Variants in LACTB2 observed in about 807,000 individuals in gnomAD.
LACTB2 encodes endoribonuclease LACTB2.
LACTB2 carries 32 observed loss-of-function variants against 34.8 expected under a neutral mutation model. That is an observed-to-expected ratio of 0.92 (90% CI 0.69 to 1.24). LACTB2 has a LOEUF of 1.24. Among genes scored for constraint, LACTB2 ranks in the 50% most tolerant of loss-of-function variants. The pLI, the probability that LACTB2 is intolerant of heterozygous loss-of-function variation, is 0.00. For missense variants in LACTB2, 320 were observed against 345.0 expected (o/e 0.93, Z 0.57); for synonymous variants, 120 against 117.5 (o/e 1.02, Z -0.14).
In LACTB2 at chr8:70,669,183, C is replaced by A. The variant is rs898566376; in HGVS notation, c.-63G>T. ...GATACTCCAGCGCGGAAGAAGCCAA[C>A]AGGCCGGGGATAGCGAGTAGCGTCC... On this transcript the variant is annotated 5_prime_UTR_variant, in exon 1 of 7. Transcript: ENST00000276590. 2 of 1,584,430 alleles carry A rather than the reference C, an allele frequency of 1.3e-6. No homozygotes were observed. The highest frequency in any genetic ancestry group is 1.4e-5 in the African/African-American group (1 of 74,034).
In LACTB2 at chr8:70,637,812, T is replaced by TA. The variant is rs779094034; in HGVS notation, c.*47dup. On this transcript the variant is annotated 3_prime_UTR_variant, in exon 7 of 7. Transcript: ENST00000276590. ...AAAATAACCTATAGTTAAGAAAACA[T>TA]ACCATTCTCTGAAAGCAAAATAAAA... is the stretch of plus-strand genomic sequence containing the variant. The TA allele has an allele frequency of 8.3e-7, 1 of 1,203,574 alleles. No homozygotes were observed. Among genetic ancestry groups the TA allele is most frequent in the Admixed American group, 2.2e-5 (1 of 45,412 alleles). 74.6% of individuals were successfully genotyped at this position (1,203,574 alleles called of 1,614,324 possible).
At position 70,639,962 on chromosome 8, in the gene LACTB2, C is replaced by CA. The variant is rs35682593; in HGVS notation, c.741+939dup. Among the ~76,000 whole-genome samples the CA allele has an allele frequency of 2.8e-4, 41 of 148,960 alleles. 1 individual carries two copies. Among genetic ancestry groups the CA allele is most frequent in the African/African-American group, 9.5e-4 (39 of 40,838 alleles). Reference sequence around the variant, plus strand: ...GGGCAACAAGAGCAAAACTCCATCTCAAAAAAAAAAGTTTTTGAGATACAG... The same window carrying CA: ...GGGCAACAAGAGCAAAACTCCATCTCAAAAAAAAAAAGTTTTTGAGATACAG... On this transcript the variant is annotated intron_variant, in intron 5 of 6. Transcript: ENST00000276590.
chr8:70,645,724 T>A (rs1048521065), intron 3 of LACTB2, among the ~76,000 whole-genome samples: 3 of 146,280 alleles, frequency 2.1e-5, no homozygotes, highest in African/African-American at 7.6e-5. Flanking sequence ...AATTCCCACC[T>A]ATGAGTGAGA....
intron 1 of LACTB2, 29 bp downstream of exon 1, chr8:70,668,970 C>CGTTGGGGAG: frequency 6.4e-7 from 1 of 1,563,438 alleles, no homozygotes; most frequent in Non-Finnish European, 8.7e-7. Flanking sequence ...CGGCTGCGAA[C>CGTTGGGGAG]GTTGGGGAGG....
intron 2 of LACTB2, 170 bp downstream of exon 2, chr8:70,661,564 C>T (rs982022685): frequency 1.8e-6 from 1 of 542,804 alleles, no homozygotes; most frequent in Non-Finnish European, 3.1e-6. Flanking sequence ...TCCGTTCCTC[C>T]TTTGTTAAAA....
intron 3 of LACTB2, among the ~76,000 whole-genome samples, chr8:70,648,441 A>AT (rs1818293146): frequency 6.6e-6 from 1 of 152,206 alleles, no homozygotes; most frequent in Non-Finnish European, 1.5e-5. Flanking sequence ...TAAAAGCAAC[A>AT]TTTTGGGAAC....
At chr8:70,667,322 C>T (rs774163826) in intron 1 of LACTB2, among the ~76,000 whole-genome samples, 3 of 152,160 alleles carry the variant, frequency 2.0e-5, no homozygotes, top group African/African-American at 4.8e-5. Flanking sequence ...TTTTGTGAAG[C>T]GGAACAGGTG....
intron 4 of LACTB2, among the ~76,000 whole-genome samples, chr8:70,642,053 G>T (rs191619934): frequency 2.0e-5 from 3 of 152,226 alleles, no homozygotes; most frequent in Admixed American, 2.0e-4. Context: ...TTTAATATAT[G>T]GTAGCTATGG....
At chr8:70,657,239 AT>A (rs943766565) in intron 3 of LACTB2, among the ~76,000 whole-genome samples, 1 of 152,128 alleles carries the variant, frequency 6.6e-6, no homozygotes, top group Admixed American at 6.5e-5. Context: ...TAAAGTGTAA[AT>A]TTTATTTTTT....
chr8:70,668,775 T>C (rs1354326356), intron 1 of LACTB2, among the ~76,000 whole-genome samples: 6 of 150,648 alleles, frequency 4.0e-5, no homozygotes, highest in South Asian at 4.2e-4. Context: ...TTTTTTTTTT[T>C]CCATTTCTCC....
intron 5 of LACTB2, among the ~76,000 whole-genome samples, chr8:70,639,462 G>A (rs1159956837): frequency 6.6e-6 from 1 of 151,980 alleles, no homozygotes. Context: ...GCCCGGCCTG[G>A]CAGCAGTATC....
chr8:70,639,270 G>A (rs1265268704), intron 5 of LACTB2, among the ~76,000 whole-genome samples: 5 of 149,302 alleles, frequency 3.3e-5, no homozygotes, highest in East Asian at 4.1e-4. Flanking sequence ...AACTATTCTC[G>A]TGCCTCAGCC....
intron 5 of LACTB2, among the ~76,000 whole-genome samples, chr8:70,639,734 G>A (rs764085486): frequency 1.3e-5 from 2 of 151,540 alleles, no homozygotes; most frequent in African/African-American, 4.8e-5. Context: ...AGGCTGAGGC[G>A]GGTGGATCAC....
chr8:70,667,408 CTTTATACAGTAGCA>C lies in LACTB2; in HGVS notation c.122+1577_122+1590del, dbSNP rs1221335423. ...GCCACCTTTTACTTTACACCTTTTA[CTTTATACAGTAGCA>C]TTATCTACACTTATTTCTAGCTCAA... On this transcript the variant is annotated intron_variant, in intron 1 of 6. Transcript: ENST00000276590. Among the ~76,000 whole-genome samples the C allele has an allele frequency of 2.0e-5, 3 of 152,300 alleles. No individual in the cohort carries two copies. The South Asian group carries it at 6.2e-4, about 32-fold the overall frequency.
At chr8:70,638,661 T>G (rs976734962) in intron 5 of LACTB2, 32 bp from the exon 6 acceptor site, 1 of 1,200,158 alleles carries the variant, frequency 8.3e-7, no homozygotes, top group South Asian at 1.7e-5. Flanking sequence ...AAAAAATTCC[T>G]TTTTTTTTAA....
At chr8:70,663,616 A>G (rs1035871811) in intron 1 of LACTB2, among the ~76,000 whole-genome samples, 2 of 152,132 alleles carry the variant, frequency 1.3e-5, no homozygotes, top group African/African-American at 4.8e-5. Flanking sequence ...GATATTTGTT[A>G]AACAACGAGA....
At chr8:70,667,401 C>T (rs1352237011) in intron 1 of LACTB2, among the ~76,000 whole-genome samples, 2 of 152,178 alleles carry the variant, frequency 1.3e-5, no homozygotes, top group African/African-American at 4.8e-5. Context: ...TTACTTTACA[C>T]CTTTTACTTT....
At chr8:70,661,700 T>C (rs1351923930) in intron 2 of LACTB2, 34 bp downstream of exon 2, 1 of 1,576,582 alleles carries the variant, frequency 6.3e-7, no homozygotes, top group African/African-American at 1.4e-5. Context: ...AACACGGCTT[T>C]CCTCAATGAG....
intron 3 of LACTB2, among the ~76,000 whole-genome samples, chr8:70,651,424 C>T (rs1266973560): frequency 6.6e-6 from 1 of 152,062 alleles, no homozygotes; most frequent in Non-Finnish European, 1.5e-5. Flanking sequence ...GGTGTATTTC[C>T]AGCCAACTAT....
Sources: gnomAD v4.1 joint callset for allele counts (sites outside exome capture counted in the v4.1 genomes callset) on GRCh38, gnomAD v4.1.1 for gene constraint, MANE v1.5 for transcripts, NCBI Gene and HGNC (gene_info 2026-07-23, HGNC 2026-07-21) for gene names.